The following FANCC variants were observed in gnomAD, a reference collection of about 807,000 sequenced individuals.
FANCC encodes FA complementation group C, also known as Fanconi anemia group C protein.
In FANCC, 55 loss-of-function variants were observed where a neutral mutation model predicts 71.3. The ratio of observed to expected loss-of-function variants is 0.77; its 90% CI spans 0.62 to 0.97. FANCC has a LOEUF of 0.97. FANCC is among the 50% of genes least tolerant of loss of function. The probability of loss-of-function intolerance (pLI) is 0.00; values close to 1 mark genes in which losing one functional copy is unlikely to be tolerated. For synonymous variants in FANCC, 275 were observed against 244.9 expected (o/e 1.12, Z -1.15); for missense variants, 678 against 670.9 (o/e 1.01, Z -0.12).
chr9:95,259,423 A>G (rs988324330), intron 1 of FANCC, among the ~76,000 whole-genome samples: 2 of 152,230 alleles, frequency 1.3e-5, no homozygotes, highest in East Asian at 3.8e-4. Flanking sequence ...GACAAACCTG[A>G]CAAAAACAAG....
At chr9:95,283,992 T>A (rs946943471) in intron 1 of FANCC, among the ~76,000 whole-genome samples, 3 of 152,234 alleles carry the variant, frequency 2.0e-5, no homozygotes, top group African/African-American at 7.2e-5. Context: ...CTGTGAATAA[T>A]AAAATACATT....
intron 1 of FANCC, among the ~76,000 whole-genome samples, chr9:95,273,707 A>T (rs1588398160): frequency 6.6e-6 from 1 of 152,286 alleles, no homozygotes; most frequent in East Asian, 1.9e-4. Context: ...ACCATTATCT[A>T]ATCAGCTCAG....
At chr9:95,141,981 T>TG (rs1191662404) in intron 7 of FANCC, among the ~76,000 whole-genome samples, 3 of 121,774 alleles carry the variant, frequency 2.5e-5, no homozygotes, top group East Asian at 2.6e-4. Context: ...TAACAGTTTG[T>TG]GGGGTTTTTT....
chr9:95,214,982 T>A (rs973030638), intron 4 of FANCC, among the ~76,000 whole-genome samples: 1 of 152,162 alleles, frequency 6.6e-6, no homozygotes, highest in Admixed American at 6.5e-5. Context: ...ATGGTTAAGA[T>A]AATAAATTTT....
chr9:95,261,507 C>T (rs1737644594), intron 1 of FANCC, among the ~76,000 whole-genome samples: 1 of 152,198 alleles, frequency 6.6e-6, no homozygotes, highest in South Asian at 2.1e-4. Flanking sequence ...TTTGTGCATA[C>T]ACGCACAGCA....
At chr9:95,132,082 G>A (rs960447218) in intron 8 of FANCC, among the ~76,000 whole-genome samples, 6 of 152,162 alleles carry the variant, frequency 3.9e-5, no homozygotes, top group Non-Finnish European at 8.8e-5. Context: ...CCTCCTGGGC[G>A]CCTCCTCTGC....
intron 6 of FANCC, among the ~76,000 whole-genome samples, chr9:95,165,295 G>A (rs569945039): frequency 2.3e-4 from 35 of 149,498 alleles, no homozygotes; most frequent in African/African-American, 8.6e-4. Context: ...TTAACTTTAG[G>A]TTTAGTTTGT....
At chr9:95,182,219 CAA>C (rs568920486) in intron 4 of FANCC, among the ~76,000 whole-genome samples, 3 of 131,904 alleles carry the variant, frequency 2.3e-5, no homozygotes, top group Admixed American at 7.7e-5. Flanking sequence ...ACAAAATATA[CAA>C]AAAAAAAAAA....
intron 1 of FANCC, among the ~76,000 whole-genome samples, chr9:95,265,757 A>C (rs1832348242): frequency 6.6e-6 from 1 of 152,198 alleles, no homozygotes; most frequent in African/African-American, 2.4e-5. Flanking sequence ...ATTACTACCT[A>C]AACAAAAACA....
At chr9:95,137,934 C>A (rs1376099425) in intron 7 of FANCC, among the ~76,000 whole-genome samples, 1 of 152,250 alleles carries the variant, frequency 6.6e-6, no homozygotes, top group Non-Finnish European at 1.5e-5. Context: ...GCCAGGACTG[C>A]AGACAGGACT....
At chr9:95,310,143 G>A (rs538182607) in intron 1 of FANCC, among the ~76,000 whole-genome samples, 1 of 152,276 alleles carries the variant, frequency 6.6e-6, no homozygotes, top group Non-Finnish European at 1.5e-5. Context: ...CAGGAGGACA[G>A]CTTGAGGCTG....
intron 4 of FANCC, among the ~76,000 whole-genome samples, chr9:95,217,780 C>T (rs1047925214): frequency 1.1e-4 from 17 of 152,066 alleles, no homozygotes; most frequent in Admixed American, 5.9e-4. Context: ...AAATCAAAGA[C>T]ATCACAAACA....
chr9:95,160,239 T>C (rs1307833419), intron 6 of FANCC, among the ~76,000 whole-genome samples: 1 of 152,222 alleles, frequency 6.6e-6, no homozygotes. Context: ...TTCAGCTTTC[T>C]ACATATGGCT....
chr9:95,148,395 G>T (rs1431193907), intron 7 of FANCC, among the ~76,000 whole-genome samples: 2 of 152,182 alleles, frequency 1.3e-5, no homozygotes, highest in Non-Finnish European at 2.9e-5. Context: ...ACAGGCAGTG[G>T]TCAGTCACAT....
chr9:95,303,580 T>C (rs886449504), intron 1 of FANCC, among the ~76,000 whole-genome samples: 1 of 152,240 alleles, frequency 6.6e-6, no homozygotes, highest in African/African-American at 2.4e-5. Flanking sequence ...CAAGGCCTAT[T>C]AGGTCCTGTT....
At chr9:95,152,817 C>A (rs1830256705) in intron 6 of FANCC, among the ~76,000 whole-genome samples, 1 of 151,268 alleles carries the variant, frequency 6.6e-6, no homozygotes, top group South Asian at 2.1e-4. Flanking sequence ...TCTCTGAAGT[C>A]CATTATGTCA....
At chr9:95,274,123 G>T (rs932157789) in intron 1 of FANCC, among the ~76,000 whole-genome samples, 1 of 152,072 alleles carries the variant, frequency 6.6e-6, no homozygotes, top group Non-Finnish European at 1.5e-5. Flanking sequence ...TTGCTGCACC[G>T]ATCAACCCGT....
intron 4 of FANCC, among the ~76,000 whole-genome samples, chr9:95,187,815 A>C (rs1826823633): frequency 6.6e-6 from 1 of 151,924 alleles, no homozygotes; most frequent in South Asian, 2.1e-4. Context: ...CTGGTTCAAA[A>C]TCTCCAACAA....
At chr9:95,218,477 T>G (rs376848404) in intron 4 of FANCC, among the ~76,000 whole-genome samples, 1 of 151,900 alleles carries the variant, frequency 6.6e-6, no homozygotes, top group South Asian at 2.1e-4. Context: ...AAAATAATAA[T>G]AAGAGTGAAT....
Sources: gnomAD v4.1 joint callset for allele counts (sites outside exome capture counted in the v4.1 genomes callset) on GRCh38, gnomAD v4.1.1 for gene constraint, MANE v1.5 for transcripts, NCBI Gene and HGNC (gene_info 2026-07-23, HGNC 2026-07-21) for gene names.